Variants in PARP1 observed in about 807,000 individuals in gnomAD.
PARP1 encodes the protein poly(ADP-ribose) polymerase 1.
A neutral mutation model predicts 118.7 loss-of-function variants in PARP1; 44 were observed. The observed-to-expected ratio is 0.37, with a 90% CI of 0.29 to 0.48. The LOEUF (loss-of-function observed/expected upper bound fraction) is 0.48. Among genes scored for constraint, PARP1 ranks in the 20% least tolerant of loss-of-function variants. The pLI is 0.99. For missense variants in PARP1, 1,100 were observed against 1,272.4 expected, an observed-to-expected ratio of 0.86 and a Z score of 2.06; for synonymous variants, 492 against 483.2, an observed-to-expected ratio of 1.02 and a Z score of -0.24.
At chr1:226,407,703 G>A (rs1665179488) in intron 1 of PARP1, 107 bp downstream of exon 1, 8 of 1,047,564 alleles carry the variant, frequency 7.6e-6, no homozygotes, top group East Asian at 5.6e-5. Context: ...GCCGCTCCGA[G>A]GGCCCGGGCC....
In PARP1 at chr1:226,380,010, C is replaced by T. The variant is rs764534128; in HGVS notation, c.1455G>A (p.Val485=). 1.9e-5 allele frequency: 30 copies of T among 1,614,110 alleles called. No individual in the cohort carries two copies. In the Admixed American group the frequency reaches 4.5e-4, roughly 24 times the overall value. The change falls in exon 10 of 23, where the codon GTG becomes GTA. Residue 485 remains valine (V), a synonymous_variant. Transcript: ENST00000366794. ...CCACAACTTCAACAGGCTCTGCCTTCACCTCTGCCCCCCAAGGGGACAAGA... is the reference window on the plus strand; with the variant it reads ...CCACAACTTCAACAGGCTCTGCCTTTACCTCTGCCCCCCAAGGGGACAAGA... The part of the protein sequence containing the change: ...AHILSPWGAE[V]KAEPVEVVAP...
chr1:226,401,567 T>C (rs758720806), intron 2 of PARP1, among the ~76,000 whole-genome samples: 19 of 152,124 alleles, frequency 1.2e-4, no homozygotes, highest in Middle Eastern at 3.2e-3. Context: ...CTGGTGGGTG[T>C]TTTATGGAAA....
In PARP1 at chr1:226,379,223, G is replaced by A. The variant is rs2102734761; in HGVS notation, c.1664C>T (p.Ala555Val). ...VLEKGGKVFS[A>V]TLGLVDIVKG... is the part of the protein sequence containing the mutation. ...AACGATGTCCACCAGGCCAAGGGTG[G>A]CACTGAAGACCTTCCCACCTTTCTC... is the stretch of plus-strand genomic sequence containing the variant. The change falls in exon 12 of 23, where the codon GCC becomes GTC. Residue 555 changes from alanine to valine, a missense_variant. Transcript: ENST00000366794. 1 of 1,614,196 alleles carries A rather than the reference G, an allele frequency of 6.2e-7. No homozygotes were observed.
rs3219148 is a variant in PARP1, at chr1:226,361,090, A to G, written c.*370T>C. 4.4e-3 allele frequency: 1,193 copies of G among 270,674 alleles called. 18 individuals carry two copies. The highest frequency in any genetic ancestry group is 0.024 in the African/African-American group (1,093 of 46,166). The allele number at this position is 270,674 out of a possible 1,614,324, so 16.8% of individuals were successfully genotyped here. On this transcript the variant is annotated 3_prime_UTR_variant, in exon 23 of 23. Coordinates refer to ENST00000366794, the MANE Select transcript of PARP1 (RefSeq NM_001618.4). ...AACTAAAGACGAACACTTAGAAAAAAGGGTGGAAGTGTATTTTTCCTTCCC... is the reference window on the plus strand; with the variant it reads ...AACTAAAGACGAACACTTAGAAAAAGGGGTGGAAGTGTATTTTTCCTTCCC...
At chr1:226,381,479 C>T (rs1330189572) in intron 8 of PARP1, among the ~76,000 whole-genome samples, 2 of 152,222 alleles carry the variant, frequency 1.3e-5, no homozygotes, top group African/African-American at 4.8e-5. Context: ...CTGCGGGTTA[C>T]CCCAGGTCCG....
chr1:226,362,295 C>T (rs1284145616), intron 21 of PARP1: 4 of 515,616 alleles, frequency 7.8e-6, no homozygotes, highest in East Asian at 3.5e-5. Flanking sequence ...AAGCAATTCT[C>T]GTGCCTCAGC....
chr1:226,368,462 C>A, intron 15 of PARP1, 141 bp from the exon 16 acceptor site: 1 of 1,030,044 alleles, frequency 9.7e-7, no homozygotes, highest in Non-Finnish European at 1.5e-6. Flanking sequence ...ACATGGGAAA[C>A]GACCAGAAGA....
intron 2 of PARP1, chr1:226,392,832 T>G: frequency 9.2e-7 from 1 of 1,092,194 alleles, no homozygotes; most frequent in Non-Finnish European, 1.3e-6. Context: ...TAAAGAGTTC[T>G]GGGGATCACT....
intron 10 of PARP1, 78 bp from the exon 11 acceptor site, chr1:226,379,719 T>A (rs1664567263): frequency 7.5e-7 from 1 of 1,327,844 alleles, no homozygotes; most frequent in African/African-American, 1.4e-5. Context: ...GGCAAATGAG[T>A]TGTTCTCATT....
At chr1:226,384,782 G>T (rs3219060) in intron 7 of PARP1, among the ~76,000 whole-genome samples, 2,130 of 152,160 alleles carry the variant, frequency 0.014, 56 homozygotes, top group African/African-American at 0.047. Context: ...TGTAGGTGTA[G>T]AGCGAGTAAT....
At chr1:226,388,020 G>A (rs1664748484) in intron 5 of PARP1, among the ~76,000 whole-genome samples, 1 of 152,156 alleles carries the variant, frequency 6.6e-6, no homozygotes, top group South Asian at 2.1e-4. Flanking sequence ...TAGAAATCAT[G>A]TTCTCAAGAG....
At chr1:226,366,124 C>T (rs1664261734) in intron 17 of PARP1, 72 bp from the exon 18 acceptor site, 2 of 981,084 alleles carry the variant, frequency 2.0e-6, no homozygotes, top group African/African-American at 1.6e-5. Context: ...TGCTCAGGCT[C>T]AGTCAATGCA....
In PARP1 at chr1:226,377,253, T is replaced by C. The variant is rs1386127376; in HGVS notation, c.1796A>G (p.Asn599Ser). The C allele has an allele frequency of 1.9e-6, 3 of 1,614,148 alleles. No homozygotes were observed. The highest frequency in any genetic ancestry group is 2.2e-5 in the South Asian group (2 of 91,074). The change falls in exon 13 of 23, where the codon AAC becomes AGC. Residue 599 changes from asparagine to serine, a missense_variant. Asn to Ser is a conservative substitution (Grantham distance 46). Coordinates refer to ENST00000366794, the MANE Select transcript of PARP1 (RefSeq NM_001618.4). ...CTTGGACGGCATCTGTTCCAGTTTG[T>C]TGCTACCGATCACCGTACCCACACG... Reference protein sequence around the residue: ...WGRVGTVIGSNKLEQMPSKED... With the variant: ...WGRVGTVIGSSKLEQMPSKED...
At position 226,383,047 on chromosome 1, in the gene PARP1, G is replaced by T. The variant is rs3219062; in HGVS notation, c.1148C>A (p.Ser383Tyr). 2.3e-3 allele frequency: 3,670 copies of T among 1,612,654 alleles called. 8 individuals are homozygous for T. The highest frequency in any genetic ancestry group is 2.9e-3 in the Non-Finnish European group (3,393 of 1,179,874). The change falls in exon 8 of 23, where the codon TCT becomes TAT. Residue 383 changes from serine to tyrosine, a missense_variant. Around this residue, in one of 2 missense-constraint regions of PARP1, gnomAD observed 948 missense variants for 1,031.8 expected, o/e 0.92. Transcript: ENST00000366794. Reference sequence around the variant, plus strand: ...CCCAAATGCTGTACCTGCTGAAGCAGAGGAGTTCACAGCAGCAGGAGCCGA... The same window carrying T: ...CCCAAATGCTGTACCTGCTGAAGCATAGGAGTTCACAGCAGCAGGAGCCGA... ...TASAPAAVNS[S>Y]ASADKPLSNM...
intron 16 of PARP1, 147 bp downstream of exon 16, chr1:226,368,052 G>A (rs1213994873): frequency 8.9e-7 from 1 of 1,120,280 alleles, no homozygotes; most frequent in East Asian, 2.4e-5. Flanking sequence ...ATCAATGTGG[G>A]TAGAAACCCA....
At chr1:226,396,249 G>A (rs566137986) in intron 2 of PARP1, among the ~76,000 whole-genome samples, 31 of 152,178 alleles carry the variant, frequency 2.0e-4, no homozygotes, top group Admixed American at 1.9e-3. Context: ...GGGAGGCTGA[G>A]GCAGAAGAAT....
chr1:226,380,214 CTG>C (rs1185349439), intron 9 of PARP1, 50 bp from the exon 10 acceptor site: 7 of 1,577,740 alleles, frequency 4.4e-6, no homozygotes, highest in African/African-American at 1.3e-5. Context: ...TAAAACAAAA[CTG>C]AAACTTCAAA....
rs778958457 is a variant in PARP1, at chr1:226,407,871, G to A, written c.59C>T (p.Ser20Phe). Reference sequence around the variant, plus strand: ...GATGCTCTCGCTGCATTTCTTGCAAGAGGCGCGCCCGCTCTTGGCGTACTC... The same window carrying A: ...GATGCTCTCGCTGCATTTCTTGCAAAAGGCGCGCCCGCTCTTGGCGTACTC... ...RVEYAKSGRA[S>F]CKKCSESIPK... The change falls in exon 1 of 23, where the codon TCT (serine) becomes TTT (phenylalanine). Residue 20 changes from serine to phenylalanine, a missense_variant. By Grantham distance (155) the Ser-to-Phe change is radical. Coordinates refer to ENST00000366794, the MANE Select transcript of PARP1 (RefSeq NM_001618.4). The A allele has an allele frequency of 2.5e-6, 4 of 1,610,690 alleles. No individual in the cohort carries two copies. Among genetic ancestry groups the A allele is most frequent in the East Asian group, 4.5e-5 (2 of 44,730 alleles).
intron 15 of PARP1, 92 bp from the exon 16 acceptor site, chr1:226,368,413 C>T: frequency 6.5e-7 from 1 of 1,547,220 alleles, no homozygotes; most frequent in Non-Finnish European, 8.9e-7. Context: ...GGTGCTGCAG[C>T]AGGTCCAGAA....
Sources: allele counts gnomAD v4.1 joint callset (sites outside exome capture counted in the v4.1 genomes callset), GRCh38; gene constraint gnomAD v4.1.1; regional missense constraint gnomAD v4.1.1; transcripts MANE v1.5; gene names NCBI Gene and HGNC (gene_info 2026-07-23, HGNC 2026-07-21).